The following VAV2 variants were observed in gnomAD, a reference collection of about 807,000 sequenced individuals.
The protein encoded by VAV2 is vav guanine nucleotide exchange factor 2, also known as guanine nucleotide exchange factor VAV2.
Under a neutral mutation model 132.5 loss-of-function variants are expected in VAV2, and 67 were observed. The ratio of observed to expected loss-of-function variants is 0.51; its 90% CI spans 0.42 to 0.62. The LOEUF is 0.62. Ranked by LOEUF, VAV2 falls within the 20% of genes least tolerant of loss-of-function variation. VAV2 has a pLI of 0.00. For missense variants in VAV2, 938 were observed against 1,153.6 expected, an observed-to-expected ratio of 0.81 and a Z score of 2.71; for synonymous variants, 492 against 443.5, an observed-to-expected ratio of 1.11 and a Z score of -1.37.
At chr9:133,856,664 A>G (rs1837396290) in intron 3 of VAV2, among the ~76,000 whole-genome samples, 2 of 152,178 alleles carry the variant, frequency 1.3e-5, no homozygotes, top group Non-Finnish European at 2.9e-5. Flanking sequence ...AGAAGTCTGA[A>G]GCGGGTCTTA....
chr9:133,833,338 C>G lies in VAV2; in HGVS notation c.449+934G>C, dbSNP rs1400998063. 6.6e-6 allele frequency among the ~76,000 whole-genome samples: 1 copy of G among 152,214 alleles called. No individual in the cohort carries two copies. Among genetic ancestry groups the G allele is most frequent in the Non-Finnish European group, 1.5e-5 (1 of 68,038 alleles). ...CAGGCACTCCCATACACGCAGCTCC[C>G]CCTCTTACTCCTCTCCCGGTTGTCA... On this transcript the variant is annotated intron_variant, in intron 4 of 29. Coordinates refer to ENST00000371850, the MANE Select transcript of VAV2 (RefSeq NM_001134398.2). The surrounding 1 kb of genome is among the most constrained non-coding windows in gnomAD (Gnocchi z 5.6).
chr9:133,785,987 T>C, intron 16 of VAV2, 102 bp from the exon 17 acceptor site: 1 of 1,012,640 alleles, frequency 9.9e-7, no homozygotes, highest in Non-Finnish European at 1.5e-6. Context: ...CACGTGTGTA[T>C]ATGCATATGT....
Position 133,770,451 on chromosome 9 carries a change from C to T in VAV2, c.2274G>A (p.Gln758=), listed in dbSNP as rs759519712. 7.4e-6 allele frequency: 12 copies of T among 1,614,044 alleles called. No individual in the cohort carries two copies. The African/African-American group carries it at 9.3e-5, about 13-fold the overall frequency. ...QCHSLKESFK[Q]LDTTLKYPYK... ...AGGGGTACTTGAGTGTGGTGTCCAG[C>T]TGCTTGAAGCTCTCCTTCAGTGAGT... Residue 758 remains glutamine, a synonymous_variant, in exon 27 of 30, where the codon CAG becomes CAA. Coordinates refer to ENST00000371850, the MANE Select transcript of VAV2 (RefSeq NM_001134398.2).
chr9:133,905,551 C>G (rs2132026607), intron 2 of VAV2, among the ~76,000 whole-genome samples: 1 of 152,332 alleles, frequency 6.6e-6, no homozygotes, highest in South Asian at 2.1e-4. Context: ...TCCCCAGCTC[C>G]AGCTGCCTAG....
In VAV2 at chr9:133,969,975, T is replaced by G. The variant is rs895576401; in HGVS notation, c.204+22100A>C. On this transcript the variant is annotated intron_variant, in intron 1 of 29. Coordinates refer to ENST00000371850, the MANE Select transcript of VAV2 (RefSeq NM_001134398.2). This position sits in a 1 kb window ranked among gnomAD's most constrained non-coding sequence, Gnocchi z 5.1. ...AAGCCGGCCCTGCCTCCCTGCAGCC[T>G]TCAAGGCAGTGACTCAGAGTTCCTG... is the stretch of plus-strand genomic sequence containing the variant. Among the ~76,000 whole-genome samples, 1 of 152,024 alleles carries G rather than the reference T, an allele frequency of 6.6e-6. No homozygotes were observed. The highest frequency in any genetic ancestry group is 6.5e-5 in the Admixed American group (1 of 15,280).
Position 133,788,243 on chromosome 9 carries a change from C to CCCCACA in VAV2, c.1407+110_1407+111insTGTGGG. ...AGACGCCCACCCCAACCCACCCGGCCAGCATCAGCGGCTGACTTCGAGTCC... is the reference window on the plus strand; with the variant it reads ...AGACGCCCACCCCAACCCACCCGGCCCCCACAAGCATCAGCGGCTGACTTCGAGTCC... On this transcript the variant is annotated intron_variant, in intron 15 of 29. Coordinates refer to ENST00000371850, the MANE Select transcript of VAV2 (RefSeq NM_001134398.2). The surrounding 1 kb of genome is among the most constrained non-coding windows in gnomAD (Gnocchi z 5.3). The CCCCACA allele has an allele frequency of 7.6e-7, 1 of 1,310,486 alleles. No individual in the cohort carries two copies. Among genetic ancestry groups the CCCCACA allele is most frequent in the Non-Finnish European group, 1.1e-6 (1 of 948,764 alleles). The allele number at this position is 1,310,486 out of a possible 1,614,324, so 81.2% of individuals were successfully genotyped here. A position where few individuals can be genotyped will look rare whatever the true frequency, so the allele number is the denominator to read the frequency against.
chr9:133,966,854 G>A (rs1238147584), intron 1 of VAV2, among the ~76,000 whole-genome samples: 2 of 151,964 alleles, frequency 1.3e-5, no homozygotes, highest in Non-Finnish European at 2.9e-5. Context: ...GGCCAACACC[G>A]TAAACCCTGT....
intron 2 of VAV2, among the ~76,000 whole-genome samples, chr9:133,911,356 A>G (rs1401233543): frequency 3.3e-5 from 5 of 152,190 alleles, no homozygotes; most frequent in African/African-American, 1.2e-4. Flanking sequence ...CAGCCTGCAC[A>G]CGTGAAATGC....
Position 133,775,038 on chromosome 9 carries a change from T to C in VAV2, c.2032A>G (p.Met678Val). 6.2e-7 allele frequency: 1 copy of C among 1,609,998 alleles called. No individual in the cohort carries two copies. Among genetic ancestry groups the C allele is most frequent in the Non-Finnish European group, 8.5e-7 (1 of 1,178,312 alleles). The change falls in exon 25 of 30, where the codon ATG (methionine) becomes GTG (valine). Residue 678 changes from methionine to valine, a missense_variant. Met to Val is a conservative substitution (Grantham distance 21, BLOSUM62 1). Coordinates refer to ENST00000371850, the MANE Select transcript of VAV2 (RefSeq NM_001134398.2). The part of the protein sequence containing the change: ...YTAYPWFAGN[M>V]ERQQTDNLLK... ...AGGTTGTCCGTCTGCTGCCTCTCCATGTTACCTGCAAACCTACAGGAGGGG... is the reference window on the plus strand; with the variant it reads ...AGGTTGTCCGTCTGCTGCCTCTCCACGTTACCTGCAAACCTACAGGAGGGG...
In VAV2 at chr9:133,788,245, G is replaced by C. The variant is rs1161210189; in HGVS notation, c.1407+109C>G. On this transcript the variant is annotated intron_variant, in intron 15 of 29. Transcript: ENST00000371850. The surrounding 1 kb of genome is among the most constrained non-coding windows in gnomAD (Gnocchi z 5.3). Reference sequence around the variant, plus strand: ...ACGCCCACCCCAACCCACCCGGCCAGCATCAGCGGCTGACTTCGAGTCCCC... The same window carrying C: ...ACGCCCACCCCAACCCACCCGGCCACCATCAGCGGCTGACTTCGAGTCCCC... The C allele has an allele frequency of 5.3e-4, 241 of 456,254 alleles. No individual in the cohort carries two copies. The highest frequency in any genetic ancestry group is 9.6e-4 in the Non-Finnish European group (218 of 228,218). 28.3% of individuals were successfully genotyped at this position (456,254 alleles called of 1,614,324 possible). A position where few individuals can be genotyped will look rare whatever the true frequency, so the allele number is the denominator to read the frequency against.
At position 133,771,878 on chromosome 9, in the gene VAV2, T is replaced by C. The variant is rs1202300816; in HGVS notation, c.2223+81A>G. 1.6e-5 allele frequency: 21 copies of C among 1,311,448 alleles called. 1 individual carries two copies. The South Asian group carries it at 2.2e-4, about 14-fold the overall frequency. The allele number at this position is 1,311,448 out of a possible 1,614,324, so 81.2% of individuals were successfully genotyped here. ...GAAGAATCAATCCTCACAGAAAACATGGCCACTCGCTCAGGGCCGGGAGGA... is the reference window on the plus strand; with the variant it reads ...GAAGAATCAATCCTCACAGAAAACACGGCCACTCGCTCAGGGCCGGGAGGA... On this transcript the variant is annotated intron_variant, in intron 26 of 29. Transcript: ENST00000371850.
intron 1 of VAV2, among the ~76,000 whole-genome samples, chr9:133,976,566 T>C (rs574258345): frequency 6.6e-6 from 1 of 152,216 alleles, no homozygotes; most frequent in African/African-American, 2.4e-5. Context: ...GTACACACAA[T>C]GCCACAAACC....
chr9:133,968,765 C>A (rs1842230278), intron 1 of VAV2, among the ~76,000 whole-genome samples: 1 of 152,212 alleles, frequency 6.6e-6, no homozygotes, highest in Non-Finnish European at 1.5e-5. Flanking sequence ...TGGGCTCACT[C>A]CTGGGACCTG....
At chr9:133,859,027 C>T (rs377400895) in intron 3 of VAV2, among the ~76,000 whole-genome samples, 19 of 152,226 alleles carry the variant, frequency 1.2e-4, no homozygotes, top group South Asian at 6.2e-4. Flanking sequence ...CTGGGAGGAG[C>T]GGCAGCGTGA....
rs1344554045 is a variant in VAV2, at chr9:133,928,371, C to G, written c.321+10732G>C. Reference sequence around the variant, plus strand: ...AACTCTGAAGGCCTTTGCCAACAGCCCCTGCGCCGGGCTCTGCCGGGAGCC... The same window carrying G: ...AACTCTGAAGGCCTTTGCCAACAGCGCCTGCGCCGGGCTCTGCCGGGAGCC... On this transcript the variant is annotated intron_variant, in intron 2 of 29. Transcript: ENST00000371850. The surrounding 1 kb of genome is among the most constrained non-coding windows in gnomAD (Gnocchi z 5.4). Among the ~76,000 whole-genome samples the G allele has an allele frequency of 6.6e-6, 1 of 152,160 alleles. No homozygotes were observed. Among genetic ancestry groups the G allele is most frequent in the Non-Finnish European group, 1.5e-5 (1 of 68,028 alleles).
chr9:133,964,052 T>TATATGA (rs1842062637), intron 1 of VAV2, among the ~76,000 whole-genome samples: 1 of 117,000 alleles, frequency 8.5e-6, no homozygotes, highest in Non-Finnish European at 1.8e-5. Context: ...TATATATACA[T>TATATGA]ATATATACAT....
chr9:133,939,004 G>A (rs1841029915), intron 2 of VAV2, 99 bp downstream of exon 2: 1 of 1,102,112 alleles, frequency 9.1e-7, no homozygotes, highest in South Asian at 1.3e-5. Context: ...CTGTGTTGGA[G>A]CCAATCAGGC....
At chr9:133,895,047 G>C (rs1179033437) in intron 2 of VAV2, among the ~76,000 whole-genome samples, 1 of 152,074 alleles carries the variant, frequency 6.6e-6, no homozygotes, top group Non-Finnish European at 1.5e-5. Flanking sequence ...GATGGTGTGG[G>C]AGAGGGCGGC....
chr9:133,784,152 C>T lies in VAV2; in HGVS notation c.1634+165G>A, dbSNP rs143699361. The stretch of plus-strand genomic sequence containing the variant: ...GCCTCAGCCTCCCAAAGTGCTGAGA[C>T]TTGAGCCACCATGCCTGGCACGGGC... On this transcript the variant is annotated intron_variant, in intron 18 of 29. Transcript: ENST00000371850. Among the ~76,000 whole-genome samples the T allele has an allele frequency of 3.0e-4, 45 of 152,288 alleles. 3 individuals carry two copies. The highest frequency in any genetic ancestry group is 1.1e-3 in the African/African-American group (44 of 41,548).
Sources: gnomAD v4.1 joint callset for allele counts (sites outside exome capture counted in the v4.1 genomes callset) on GRCh38, gnomAD v4.1.1 for gene constraint, Gnocchi (gnomAD v3.1) non-coding constraint, MANE v1.5 for transcripts, NCBI Gene and HGNC (gene_info 2026-07-23, HGNC 2026-07-21) for gene names.